The following RAPGEF4 variants were observed in gnomAD, a reference collection of about 807,000 sequenced individuals.
RAPGEF4 encodes Rap guanine nucleotide exchange factor 4, also known as RAP guanine-nucleotide-exchange factor (GEF) 4.
In RAPGEF4, 66 loss-of-function variants were observed where a neutral mutation model predicts 147.9. The observed-to-expected ratio is 0.45, with a 90% confidence interval of 0.37 to 0.55. The LOEUF is 0.55. Among genes scored for constraint, RAPGEF4 ranks in the 20% least tolerant of loss-of-function variants. RAPGEF4 has a pLI of 0.00. For missense variants in RAPGEF4, 1,071 were observed against 1,257.3 expected, an observed-to-expected ratio of 0.85 and a Z score of 2.24; for synonymous variants, 419 against 442.7, an observed-to-expected ratio of 0.95 and a Z score of 0.67.
intron 4 of RAPGEF4, among the ~76,000 whole-genome samples, chr2:172,882,237 C>T (rs549814312): frequency 4.6e-5 from 7 of 152,252 alleles, no homozygotes; most frequent in African/African-American, 1.7e-4. Flanking sequence ...ACCGTTTCCC[C>T]GCTTCCATAT....
intron 3 of RAPGEF4, among the ~76,000 whole-genome samples, chr2:172,808,532 C>T (rs1687717520): frequency 6.6e-6 from 1 of 152,132 alleles, no homozygotes; most frequent in South Asian, 2.1e-4. Context: ...AAAAAAACTG[C>T]TTTGCTTTTT....
chr2:172,978,168 C>A (rs962599280), intron 10 of RAPGEF4, among the ~76,000 whole-genome samples: 1 of 151,840 alleles, frequency 6.6e-6, no homozygotes, highest in Non-Finnish European at 1.5e-5. Context: ...AGGCTGCCCA[C>A]GTGGGCTTCT....
At chr2:173,011,168 GCGCA>G (rs1476954315) in intron 17 of RAPGEF4, among the ~76,000 whole-genome samples, 1 of 59,816 alleles carries the variant, frequency 1.7e-5, no homozygotes, top group Non-Finnish European at 3.7e-5. Flanking sequence ...CAGCGCGCGC[GCGCA>G]CACACACACA....
chr2:172,821,680 C>T (rs1689072922), intron 4 of RAPGEF4: 1 of 1,027,594 alleles, frequency 9.7e-7, no homozygotes, highest in Non-Finnish European at 1.1e-6. Flanking sequence ...CATGGAGTGG[C>T]AAAATGATTC....
In RAPGEF4 at chr2:172,996,639, G is replaced by A. The variant is rs1039487756; in HGVS notation, c.1579+85G>A. On this transcript the variant is annotated intron_variant, in intron 16 of 30. Transcript: ENST00000397081. ...CCTGAATTCATTTGCAGTGTGTATA[G>A]CGAAAGCAGTTTGGGAAGGGGATTC... 23 of 952,088 alleles carry A rather than the reference G, an allele frequency of 2.4e-5. No homozygotes were observed. The African/African-American group carries it at 3.7e-4, about 15-fold the overall frequency. The allele number at this position is 952,088 out of a possible 1,614,324, so 59.0% of individuals were successfully genotyped here.
intron 10 of RAPGEF4, among the ~76,000 whole-genome samples, chr2:172,975,601 C>T (rs919435644): frequency 6.6e-6 from 1 of 152,164 alleles, no homozygotes; most frequent in Non-Finnish European, 1.5e-5. Flanking sequence ...AGTGTGTCCT[C>T]ACTAGTGAAT....
rs1559206594 is a variant in RAPGEF4 at position 173,042,123 on chromosome 2, C to G, written c.2853+5431C>G. ...CCTACCAGAATGTAAGTGCCCTGGC[C>G]CAGGTATCTGTTTTGTTCACTGATA... On this transcript the variant is annotated intron_variant, in intron 29 of 30. Transcript: ENST00000397081. The surrounding 1 kb of genome is among the most constrained non-coding windows in gnomAD (Gnocchi z 4.2). Among the ~76,000 whole-genome samples the G allele has an allele frequency of 6.6e-6, 1 of 152,132 alleles. No individual in the cohort carries two copies. The highest frequency in any genetic ancestry group is 1.5e-5 in the Non-Finnish European group (1 of 68,028).
At chr2:172,959,885 T>G (rs979001000) in intron 6 of RAPGEF4, among the ~76,000 whole-genome samples, 1 of 151,876 alleles carries the variant, frequency 6.6e-6, no homozygotes, top group African/African-American at 2.4e-5. Flanking sequence ...AGGCCAGGAG[T>G]GCGAGACCAG....
At chr2:172,860,572 T>C (rs1318080699) in intron 4 of RAPGEF4, among the ~76,000 whole-genome samples, 1 of 151,798 alleles carries the variant, frequency 6.6e-6, no homozygotes, top group African/African-American at 2.4e-5. Flanking sequence ...TTTGGGTTTT[T>C]TTTTTTTTTT....
intron 5 of RAPGEF4, among the ~76,000 whole-genome samples, chr2:172,919,996 G>C (rs540347368): frequency 1.3e-4 from 20 of 152,252 alleles, no homozygotes; most frequent in Admixed American, 1.3e-3. Flanking sequence ...TTTTAGGGCA[G>C]AGATGAGTCA....
chr2:172,814,660 T>G, intron 4 of RAPGEF4: 1 of 516,818 alleles, frequency 1.9e-6, no homozygotes, highest in Non-Finnish European at 3.5e-6. Flanking sequence ...TTGACATACC[T>G]TATAATTATT....
intron 6 of RAPGEF4, among the ~76,000 whole-genome samples, chr2:172,938,596 T>C (rs1239887737): frequency 6.6e-6 from 1 of 152,234 alleles, no homozygotes; most frequent in Non-Finnish European, 1.5e-5. Context: ...ACTCCCTTCG[T>C]TGAAGTTATT....
chr2:172,858,899 G>A (rs1335783995), intron 4 of RAPGEF4, among the ~76,000 whole-genome samples: 1 of 152,082 alleles, frequency 6.6e-6, no homozygotes, highest in East Asian at 1.9e-4. Flanking sequence ...CTGTTTTTGG[G>A]GGGTGCGGTT....
At chr2:172,908,232 C>G (rs1365263086) in intron 4 of RAPGEF4, among the ~76,000 whole-genome samples, 3 of 152,226 alleles carry the variant, frequency 2.0e-5, no homozygotes, top group Admixed American at 6.5e-5. Context: ...GCTTTCTACT[C>G]CATAATATAA....
intron 1 of RAPGEF4, among the ~76,000 whole-genome samples, chr2:172,739,522 C>T (rs1694120652): frequency 6.6e-6 from 1 of 152,010 alleles, no homozygotes; most frequent in African/African-American, 2.4e-5. Flanking sequence ...CAGGCACACA[C>T]CACCATGCCT....
intron 1 of RAPGEF4, among the ~76,000 whole-genome samples, chr2:172,793,130 G>T (rs1685992795): frequency 1.3e-5 from 2 of 152,204 alleles, no homozygotes; most frequent in South Asian, 4.2e-4. Context: ...CCTTGCTGGT[G>T]GATGCATCAC....
chr2:172,873,635 T>C (rs1428677144), intron 4 of RAPGEF4, among the ~76,000 whole-genome samples: 1 of 152,180 alleles, frequency 6.6e-6, no homozygotes, highest in African/African-American at 2.4e-5. Flanking sequence ...GACATAGGCA[T>C]GGACAAAAAC....
chr2:172,821,719 T>C (rs2149630681), intron 4 of RAPGEF4: 2 of 1,117,140 alleles, frequency 1.8e-6, no homozygotes, highest in African/African-American at 3.5e-5. Flanking sequence ...AGTGAAGTTA[T>C]TAGGAGCTAA....
chr2:172,827,799 G>A (rs1689835437), intron 4 of RAPGEF4, among the ~76,000 whole-genome samples: 1 of 152,190 alleles, frequency 6.6e-6, no homozygotes. Context: ...AGTAGATGTG[G>A]GTGGTGATGA....
Sources: gnomAD v4.1 joint callset for allele counts (sites outside exome capture counted in the v4.1 genomes callset) on GRCh38, gnomAD v4.1.1 for gene constraint, Gnocchi (gnomAD v3.1) non-coding constraint, MANE v1.5 for transcripts, NCBI Gene and HGNC (gene_info 2026-07-23, HGNC 2026-07-21) for gene names.